The following NLRP5 variants were observed in gnomAD, a reference collection of about 807,000 sequenced individuals.
NLRP5 encodes NACHT, LRR and PYD domains-containing protein 5.
NLRP5 carries 93 observed loss-of-function variants against 113.1 expected under a neutral mutation model. That is an observed-to-expected ratio of 0.82 (90% CI 0.70 to 0.98). The LOEUF (loss-of-function observed/expected upper bound fraction) is 0.98. Among genes scored for constraint, NLRP5 ranks in the 50% least tolerant of loss-of-function variants. The probability of loss-of-function intolerance (pLI) is 0.00; values close to 1 mark genes in which losing one functional copy is unlikely to be tolerated. For missense variants in NLRP5, 1,808 were observed against 1,514.3 expected (o/e 1.19, Z -3.22); for synonymous variants, 751 against 600.7 (o/e 1.25, Z -3.66).
chr19:56,027,604 G>C lies in NLRP5; in HGVS notation c.1371G>C (p.Ala457=). 1.9e-6 allele frequency: 3 copies of C among 1,613,828 alleles called. No individual in the cohort carries two copies. The highest frequency in any genetic ancestry group is 2.5e-6 in the Non-Finnish European group (3 of 1,179,896). Residue 457 remains alanine (A), a synonymous_variant, in exon 7 of 15, where the codon GCG becomes GCC. Coordinates refer to ENST00000390649, the MANE Select transcript of NLRP5 (RefSeq NM_153447.4). Reference sequence around the variant, plus strand: ...ATCAGAAGACACAAGGGTTGCGTGCGATCATGAACAACCGTGAGCTGCTCG... The same window carrying C: ...ATCAGAAGACACAAGGGTTGCGTGCCATCATGAACAACCGTGAGCTGCTCG...
intron 6 of NLRP5, among the ~76,000 whole-genome samples, 177 bp downstream of exon 6, chr19:56,020,608 G>A (rs145067887): frequency 2.0e-5 from 3 of 151,610 alleles, no homozygotes; most frequent in Admixed American, 6.6e-5. Context: ...ATAGAGCTAC[G>A]CAAGTTCACT....
chr19:56,061,481 A>G lies in NLRP5; in HGVS notation c.3556A>G (p.Ser1186Gly). 2 of 1,614,030 alleles carry G rather than the reference A, an allele frequency of 1.2e-6. No homozygotes were observed. Among genetic ancestry groups the G allele is most frequent in the South Asian group, 1.1e-5 (1 of 91,092 alleles). The stretch of plus-strand genomic sequence containing the variant: ...CAAGCCCCGAGTCGTAATTGACGGT[A>G]GTTGGCATTCTTTTGATGAAGATGA... Residue 1186 changes from serine to glycine, a missense_variant, in exon 15 of 15, where the codon AGT becomes GGT. Ser to Gly is a moderately conservative substitution (Grantham distance 56). Transcript: ENST00000390649.
intron 7 of NLRP5, among the ~76,000 whole-genome samples, chr19:56,032,263 C>G (rs947798780): frequency 1.4e-5 from 2 of 145,988 alleles, no homozygotes; most frequent in Non-Finnish European, 3.1e-5. Context: ...GAGAATCGCT[C>G]GAACCCAGGA....
In NLRP5 at chr19:56,038,210, C is replaced by G; in HGVS notation, c.2786+15C>G. ...CAGAAGCTGATGTGAGTGCCACTTC[C>G]TTTCCACCAGGATTATCGTAACTTC... On this transcript the variant is annotated intron_variant, in intron 10 of 14. Coordinates refer to ENST00000390649, the MANE Select transcript of NLRP5 (RefSeq NM_153447.4). 6.2e-7 allele frequency: 1 copy of G among 1,611,710 alleles called. No individual in the cohort carries two copies. The highest frequency in any genetic ancestry group is 8.5e-7 in the Non-Finnish European group (1 of 1,178,198).
chr19:56,013,427 T>C (rs561790904), intron 3 of NLRP5, among the ~76,000 whole-genome samples: 3 of 151,894 alleles, frequency 2.0e-5, no homozygotes, highest in African/African-American at 4.8e-5. Flanking sequence ...ATCCTGACCT[T>C]GTGATCTGCC....
intron 5 of NLRP5, 35 bp downstream of exon 5, chr19:56,019,433 C>CTG (rs1226351084): frequency 6.2e-7 from 1 of 1,602,554 alleles, no homozygotes; most frequent in East Asian, 2.2e-5. Flanking sequence ...GGTTGCCCTC[C>CTG]TGGAAGAAAG....
chr19:56,020,237 C>A (rs1982564020), intron 5 of NLRP5, 138 bp from the exon 6 acceptor site: 1 of 946,266 alleles, frequency 1.1e-6, no homozygotes, highest in East Asian at 2.6e-5. Flanking sequence ...TGCACTCTGT[C>A]TTCTAGTTGA....
At chr19:56,011,545 C>T (rs67449072) in intron 3 of NLRP5, among the ~76,000 whole-genome samples, 57,236 of 151,700 alleles carry the variant, frequency 0.38, 10,982 homozygotes, top group Admixed American at 0.41. Context: ...TACATCCATC[C>T]GAAGTCAGCA....
At chr19:55,989,341 C>T in the NLRP5 span, among the ~76,000 whole-genome samples, 4 of 152,226 alleles carry the variant, frequency 2.6e-5, no homozygotes, top group South Asian at 2.1e-4. Flanking sequence ...CTGCACCCTC[C>T]GCCTCCCAGG....
intron 12 of NLRP5, among the ~76,000 whole-genome samples, chr19:56,051,864 G>T (rs1163348671): frequency 6.6e-6 from 1 of 151,974 alleles, no homozygotes; most frequent in Non-Finnish European, 1.5e-5. Flanking sequence ...CCACAAGTGG[G>T]GTATCATTTT....
At chr19:56,061,229 C>T (rs1344002512) in intron 14 of NLRP5, among the ~76,000 whole-genome samples, 167 bp from the exon 15 acceptor site, 2 of 152,178 alleles carry the variant, frequency 1.3e-5, no homozygotes, top group Admixed American at 6.5e-5. Context: ...TGTCTGCCAT[C>T]CTACAAACTC....
chr19:56,053,372 G>A (rs538922650), intron 12 of NLRP5, among the ~76,000 whole-genome samples: 188 of 151,686 alleles, frequency 1.2e-3, no homozygotes, highest in African/African-American at 4.1e-3. Context: ...CTCCAGCATG[G>A]GCAACAAGAG....
chr19:56,055,678 T>C (rs1208785985), intron 13 of NLRP5, among the ~76,000 whole-genome samples: 1 of 151,064 alleles, frequency 6.6e-6, no homozygotes, highest in Non-Finnish European at 1.5e-5. Context: ...CCCAAGTAGC[T>C]GGGACTACAG....
At position 56,003,889 on chromosome 19, in the gene NLRP5, C is replaced by T. The variant is rs1302050798; in HGVS notation, c.236C>T (p.Thr79Ile). 1 of 1,613,956 alleles carries T rather than the reference C, an allele frequency of 6.2e-7. No individual in the cohort carries two copies. The highest frequency in any genetic ancestry group is 8.5e-7 in the Non-Finnish European group (1 of 1,179,888). Residue 79 changes from threonine (T) to isoleucine (I), a missense_variant, in exon 2 of 15, where the codon ACA becomes ATA. By Grantham distance (89) the Thr-to-Ile change is moderately conservative. Coordinates refer to ENST00000390649, the MANE Select transcript of NLRP5 (RefSeq NM_153447.4). ...GAGCTAGACAAGGAAGAATTTCAGA[C>T]ATTCAAGGAATTACTAAAGAAGAAA... is the stretch of plus-strand genomic sequence containing the variant.
chr19:56,055,750 T>C (rs901198723), intron 13 of NLRP5, among the ~76,000 whole-genome samples: 17 of 151,370 alleles, frequency 1.1e-4, no homozygotes, highest in South Asian at 2.1e-4. Flanking sequence ...TTTCACCGTG[T>C]TAGCCAGGAT....
upstream of NLRP5, among the ~76,000 whole-genome samples, chr19:55,998,109 G>T (rs1001585563): frequency 4.6e-5 from 7 of 152,090 alleles, no homozygotes; most frequent in African/African-American, 1.7e-4. Context: ...TGAAAACCTT[G>T]CCTCTTTTAA....
intron 1 of NLRP5, among the ~76,000 whole-genome samples, chr19:56,001,813 A>G (rs552621085): frequency 6.6e-6 from 1 of 152,172 alleles, no homozygotes; most frequent in Non-Finnish European, 1.5e-5. Flanking sequence ...CCCTCAGACA[A>G]TGACAAGCTG....
chr19:56,005,388 CAT>C (rs1235611632), intron 2 of NLRP5, among the ~76,000 whole-genome samples: 3 of 146,254 alleles, frequency 2.1e-5, no homozygotes, highest in African/African-American at 5.1e-5. Flanking sequence ...TTTATATATA[CAT>C]ATACACACAC....
chr19:55,994,717 A>G, the NLRP5 span, among the ~76,000 whole-genome samples: 1 of 152,094 alleles, frequency 6.6e-6, no homozygotes, highest in Non-Finnish European at 1.5e-5. Flanking sequence ...TTACTCTTGG[A>G]CTATTTCCTT....
Sources: allele counts gnomAD v4.1 joint callset (sites outside exome capture counted in the v4.1 genomes callset), GRCh38; gene constraint gnomAD v4.1.1; transcripts MANE v1.5; gene names NCBI Gene and HGNC (gene_info 2026-07-23, HGNC 2026-07-21).